COL6A5: variants seen among roughly 807,000 people sequenced by gnomAD.
COL6A5 encodes collagen alpha-5(VI) chain.
Under a neutral mutation model 65.6 loss-of-function variants are expected in COL6A5, and 48 were observed. That is an observed-to-expected ratio of 0.73 (90% confidence interval 0.58 to 0.93). The LOEUF is 0.93. Ranked by LOEUF, COL6A5 falls within the 40% of genes least tolerant of loss-of-function variation. The probability of loss-of-function intolerance (pLI) is 0.00; values close to 1 mark genes in which losing one functional copy is unlikely to be tolerated. For synonymous variants in COL6A5, 291 were observed against 322.8 expected, an observed-to-expected ratio of 0.90 and a Z score of 1.05; for missense variants, 914 against 928.3, an observed-to-expected ratio of 0.98 and a Z score of 0.20.
chr3:130,460,665 T>C (rs1475111517), intron 5 of COL6A5, among the ~76,000 whole-genome samples: 3 of 151,948 alleles, frequency 2.0e-5, no homozygotes, highest in Non-Finnish European at 2.9e-5. Context: ...GTGCTGGTCA[T>C]GGTAGTAGTG....
At chr3:130,370,428 G>A (rs2034663) in intron 1 of COL6A5, among the ~76,000 whole-genome samples, 85,113 of 151,972 alleles carry the variant, frequency 0.56, 27,192 homozygotes, top group Non-Finnish European at 0.72. Context: ...AGAGGGGATT[G>A]GGAGTGGTAG....
intron 2 of COL6A5, among the ~76,000 whole-genome samples, chr3:130,373,958 T>C (rs571818730): frequency 1.4e-4 from 22 of 152,288 alleles, no homozygotes; most frequent in African/African-American, 3.8e-4. Context: ...ATATTACATG[T>C]CTCCATGGAT....
At chr3:130,471,036 G>A (rs1709938668) in intron 7 of COL6A5, 69 bp downstream of exon 39, 4 of 1,105,266 alleles carry the variant, frequency 3.6e-6, no homozygotes, top group Non-Finnish European at 2.7e-6. Flanking sequence ...ACTGTGAAAT[G>A]AATAGCATTT....
chr3:130,456,670 T>A (rs1182812391), intron 5 of COL6A5, among the ~76,000 whole-genome samples: 1 of 152,106 alleles, frequency 6.6e-6, no homozygotes, highest in Non-Finnish European at 1.5e-5. Flanking sequence ...ATTCCATCTA[T>A]GCATCTGGAA....
chr3:130,442,725 G>T (rs910378378), intron 3 of COL6A5, among the ~76,000 whole-genome samples: 1 of 152,184 alleles, frequency 6.6e-6, no homozygotes, highest in African/African-American at 2.4e-5. Flanking sequence ...CCAACAGTAA[G>T]TGTCAGATGC....
intron 10 of COL6A5, among the ~76,000 whole-genome samples, chr3:130,398,942 AC>A (rs1183674667): frequency 1.3e-5 from 2 of 152,180 alleles, no homozygotes; most frequent in African/African-American, 4.8e-5. Flanking sequence ...GTTCTAGGGA[AC>A]CTGACCGAAG....
At chr3:130,404,688 A>G (rs1936926051) in intron 13 of COL6A5, among the ~76,000 whole-genome samples, 1 of 152,176 alleles carries the variant, frequency 6.6e-6, no homozygotes, top group African/African-American at 2.4e-5. Context: ...GGGCTAAGGT[A>G]CCTCTCAGCA....
exon 1 of COL6A5, chr3:130,345,892 T>A (rs1934449687): frequency 5.0e-6 from 2 of 398,598 alleles, no homozygotes; most frequent in Admixed American, 4.4e-5. Context: ...GGCGCGCGTT[T>A]ACTGCGCTCA....
intron 1 of COL6A5, among the ~76,000 whole-genome samples, chr3:130,433,136 CAGAG>C (rs1428893095): frequency 6.6e-6 from 1 of 152,082 alleles, no homozygotes; most frequent in African/African-American, 2.4e-5. Flanking sequence ...ATAGGAGCCA[CAGAG>C]AGTTACAACA....
chr3:130,483,968 G>T, intron 7 of COL6A5, 67 bp from the exon 41 acceptor site: 1 of 1,409,352 alleles, frequency 7.1e-7, no homozygotes, highest in South Asian at 1.2e-5. Flanking sequence ...AAAGGAGTAG[G>T]CCCTGGAGGA....
chr3:130,397,656 C>A (rs1465853256), exon 9 of COL6A5: 1 of 1,551,664 alleles, frequency 6.4e-7, no homozygotes, highest in Non-Finnish European at 8.7e-7. Flanking sequence ...TCCAGGGCCA[C>A]CCCCAGCTGG....
chr3:130,379,764 G>A (rs1220611205), exon 4 of COL6A5: 2 of 1,551,380 alleles, frequency 1.3e-6, no homozygotes, highest in Admixed American at 2.0e-5. Flanking sequence ...CACAAGGAGT[G>A]CCTCAGATTG....
At chr3:130,453,022 A>G (rs144620978) in intron 4 of COL6A5, among the ~76,000 whole-genome samples, 3,619 of 152,266 alleles carry the variant, frequency 0.024, 69 homozygotes, top group Non-Finnish European at 0.037. Context: ...TGTTCCCTGA[A>G]CATTGCTGTT....
In COL6A5 at chr3:130,379,501, T is replaced by G. The variant is rs558631068; in HGVS notation, c.751T>G (p.Leu251Val). ...TGAGTCACTTGGGACCGGAGGAAATTTAAGGCATCTTCAGACCTTCCTTGA... is the reference window on the plus strand; with the variant it reads ...TGAGTCACTTGGGACCGGAGGAAATGTAAGGCATCTTCAGACCTTCCTTGA... Residue 251 changes from leucine (L) to valine (V), a missense_variant and NMD_transcript_variant, in exon 4 of 42, where the codon TTA becomes GTA. Coordinates refer to the COL6A5 transcript ENST00000312481. 11 of 1,551,360 alleles carry G rather than the reference T, an allele frequency of 7.1e-6. No individual in the cohort carries two copies. In the African/African-American group the frequency reaches 1.4e-4, roughly 19 times the overall value.
chr3:130,399,682 T>C (rs887462341), intron 10 of COL6A5, among the ~76,000 whole-genome samples: 1 of 151,702 alleles, frequency 6.6e-6, no homozygotes, highest in Non-Finnish European at 1.5e-5. Flanking sequence ...ACTCATTTCT[T>C]ATATTCAGTG....
intron 5 of COL6A5, among the ~76,000 whole-genome samples, chr3:130,459,725 A>T (rs1016916051): frequency 6.7e-6 from 1 of 150,100 alleles, no homozygotes; most frequent in African/African-American, 2.4e-5. Flanking sequence ...ATTCTACTAT[A>T]TTTTTTTTTT....
exon 7 of COL6A5, chr3:130,391,301 G>T (rs1022868419): frequency 1.3e-6 from 2 of 1,551,532 alleles, no homozygotes; most frequent in Admixed American, 2.0e-5. Flanking sequence ...AGCAGATGTT[G>T]GCAGGGACCG....
intron 7 of COL6A5, among the ~76,000 whole-genome samples, 179 bp downstream of exon 39, chr3:130,471,146 A>G (rs1330515302): frequency 6.6e-6 from 1 of 151,902 alleles, no homozygotes; most frequent in East Asian, 1.9e-4. Flanking sequence ...TCTGAAATTA[A>G]TCGCAGATAG....
chr3:130,376,217 T>C lies in COL6A5; in HGVS notation c.68-20T>C. 6.5e-7 allele frequency: 1 copy of C among 1,542,436 alleles called. No homozygotes were observed. Among genetic ancestry groups the C allele is most frequent in the Non-Finnish European group, 8.7e-7 (1 of 1,147,306 alleles). On this transcript the variant is annotated intron_variant and NMD_transcript_variant, in intron 2 of 41. Coordinates refer to the COL6A5 transcript ENST00000312481. ...GGTTGAATGATAACTTTGTTTTTGC[T>C]TGTTATTTTATTTTGATAGGGCCAG...
Sources: allele counts gnomAD v4.1 joint callset (sites outside exome capture counted in the v4.1 genomes callset), GRCh38; gene constraint gnomAD v4.1.1; transcripts MANE v1.5; gene names NCBI Gene and HGNC (gene_info 2026-07-23, HGNC 2026-07-21).